GBX1: variants seen among roughly 807,000 people sequenced by gnomAD.
The protein encoded by GBX1 is homeobox protein GBX-1.
In GBX1, 9 loss-of-function variants were observed where a neutral mutation model predicts 22.9. The observed-to-expected ratio is 0.39, with a 90% confidence interval of 0.24 to 0.69. GBX1 has a LOEUF of 0.69. Among genes scored for constraint, GBX1 ranks in the 30% least tolerant of loss-of-function variants. The pLI is 0.43. For synonymous variants in GBX1, 203 were observed against 227.3 expected, an observed-to-expected ratio of 0.89 and a Z score of 0.96; for missense variants, 494 against 509.2, an observed-to-expected ratio of 0.97 and a Z score of 0.29.
At chr7:151,150,888 C>T (rs1801072148) in intron 1 of GBX1, among the ~76,000 whole-genome samples, 1 of 152,116 alleles carries the variant, frequency 6.6e-6, no homozygotes, top group African/African-American at 2.4e-5. Context: ...ACACACCATG[C>T]CTGGTTAATT....
intron 1 of GBX1, among the ~76,000 whole-genome samples, chr7:151,152,213 T>C (rs1563547719): frequency 6.6e-6 from 1 of 152,324 alleles, no homozygotes; most frequent in African/African-American, 2.4e-5. Context: ...TGCTCATGCA[T>C]GTGCTCCCCG....
chr7:151,167,348 G>A lies in GBX1; in HGVS notation c.201C>T (p.Pro67=). 2 of 1,508,266 alleles carry A rather than the reference G, an allele frequency of 1.3e-6. No individual in the cohort carries two copies. Among genetic ancestry groups the A allele is most frequent in the Non-Finnish European group, 8.8e-7 (1 of 1,131,452 alleles). 93.4% of individuals were successfully genotyped at this position (1,508,266 alleles called of 1,614,324 possible). A position where few individuals can be genotyped will look rare whatever the true frequency, so the allele number is the denominator to read the frequency against. The change falls in exon 1 of 2, where the codon CCC becomes CCT. Residue 67 remains proline, a synonymous_variant. Transcript: ENST00000297537. The surrounding 1 kb of genome is among the most constrained non-coding windows in gnomAD (Gnocchi z 5.9). ...GCGGGGCGAGGGGCGGGAGGCCAGCGGGCAGCGGCGCAGGGGCCAGCGCCT... is the reference window on the plus strand; with the variant it reads ...GCGGGGCGAGGGGCGGGAGGCCAGCAGGCAGCGGCGCAGGGGCCAGCGCCT... The part of the protein sequence containing the change: ...LPQALAPAPL[P]AGLPPLAPLA...
In GBX1 at chr7:151,167,370, G is replaced by A; in HGVS notation, c.179C>T (p.Ala60Val). 1.3e-6 allele frequency: 2 copies of A among 1,510,256 alleles called. No individual in the cohort carries two copies. The highest frequency in any genetic ancestry group is 1.8e-6 in the Non-Finnish European group (2 of 1,131,836). 93.6% of individuals were successfully genotyped at this position (1,510,256 alleles called of 1,614,324 possible). ...AGCGGGCAGCGGCGCAGGGGCCAGC[G>A]CCTGCGGCAGCACGAGCGGCCGGTA... ...MPYRPLVLPQ[A>V]LAPAPLPAGL... is the part of the protein sequence containing the mutation. Residue 60 changes from alanine (A) to valine (V), a missense_variant, in exon 1 of 2, where the codon GCG becomes GTG. By Grantham distance (64) the Ala-to-Val change is moderately conservative (BLOSUM62 0). Around this residue, in one of 3 missense-constraint regions of GBX1, gnomAD observed 365 missense variants for 340.4 expected, o/e 1.07. Coordinates refer to ENST00000297537, the MANE Select transcript of GBX1 (RefSeq NM_001098834.3). The surrounding 1 kb of genome is among the most constrained non-coding windows in gnomAD (Gnocchi z 5.9).
At chr7:151,152,206 T>G (rs546866614) in intron 1 of GBX1, among the ~76,000 whole-genome samples, 27 of 152,304 alleles carry the variant, frequency 1.8e-4, no homozygotes, top group African/African-American at 6.5e-4. Flanking sequence ...TTCCAAATGC[T>G]CATGCATGTG....
chr7:151,161,010 C>G (rs1801182890), intron 1 of GBX1, among the ~76,000 whole-genome samples: 1 of 152,164 alleles, frequency 6.6e-6, no homozygotes, highest in Admixed American at 6.5e-5. Context: ...AAATCTCTCT[C>G]TCTTTTATAC....
At chr7:151,158,846 A>G (rs1386029091) in intron 1 of GBX1, among the ~76,000 whole-genome samples, 2 of 152,164 alleles carry the variant, frequency 1.3e-5, no homozygotes, top group Non-Finnish European at 2.9e-5. Context: ...TTGAGCACCT[A>G]TTACTTTCAG....
At chr7:151,166,901 A>G in intron 1 of GBX1, 110 bp downstream of exon 1, 3 of 1,067,530 alleles carry the variant, frequency 2.8e-6, no homozygotes, top group Non-Finnish European at 4.2e-6. Context: ...AAGGTCTGGG[A>G]CTTCAAGGCT....
chr7:151,152,237 CCCTGT>C (rs1357138680), intron 1 of GBX1, among the ~76,000 whole-genome samples: 1 of 152,162 alleles, frequency 6.6e-6, no homozygotes, highest in East Asian at 1.9e-4. Context: ...TTCTTTCCCT[CCCTGT>C]CCTTTCCTTT....
intron 1 of GBX1, among the ~76,000 whole-genome samples, chr7:151,159,084 A>C (rs1052977010): frequency 7.9e-6 from 1 of 127,312 alleles, no homozygotes; most frequent in Non-Finnish European, 1.6e-5. Flanking sequence ...AAAGTGTCTG[A>C]ATTTTTTTTT....
At chr7:151,155,130 C>T (rs548896803) in intron 1 of GBX1, among the ~76,000 whole-genome samples, 29 of 152,340 alleles carry the variant, frequency 1.9e-4, no homozygotes, top group African/African-American at 6.7e-4. Flanking sequence ...CTTCTCTCTA[C>T]TTCAAAAACA....
chr7:151,151,645 C>T lies in GBX1; in HGVS notation c.539-2503G>A, dbSNP rs74656045. Reference sequence around the variant, plus strand: ...CTAACCTCGATGCCATCTTTTTACTCCTCTCTCTCACAACCCACATCCAGT... The same window carrying T: ...CTAACCTCGATGCCATCTTTTTACTTCTCTCTCTCACAACCCACATCCAGT... On this transcript the variant is annotated intron_variant, in intron 1 of 1. Coordinates refer to ENST00000297537, the MANE Select transcript of GBX1 (RefSeq NM_001098834.3). Among the ~76,000 whole-genome samples, 1,990 of 152,260 alleles carry T rather than the reference C, an allele frequency of 0.013. 74 individuals carry two copies. The East Asian group carries it at 0.13, about 10-fold the overall frequency.
intron 1 of GBX1, among the ~76,000 whole-genome samples, chr7:151,159,548 C>A (rs1055031310): frequency 2.0e-5 from 3 of 152,096 alleles, no homozygotes; most frequent in African/African-American, 7.2e-5. Context: ...CCATACCTGG[C>A]AAATTTCTTT....
chr7:151,164,886 G>C (rs1478019252), intron 1 of GBX1, among the ~76,000 whole-genome samples: 1 of 134,138 alleles, frequency 7.5e-6, no homozygotes, highest in Non-Finnish European at 1.5e-5. Context: ...ACTCTTTAAA[G>C]AAAATTACTC....
At chr7:151,154,059 G>A (rs1266347294) in intron 1 of GBX1, among the ~76,000 whole-genome samples, 3 of 152,164 alleles carry the variant, frequency 2.0e-5, no homozygotes, top group Non-Finnish European at 4.4e-5. Flanking sequence ...CCAACATGGT[G>A]AAACCCTGTC....
At chr7:151,160,719 C>T (rs1454450717) in intron 1 of GBX1, among the ~76,000 whole-genome samples, 1 of 152,194 alleles carries the variant, frequency 6.6e-6, no homozygotes, top group South Asian at 2.1e-4. Flanking sequence ...CTCCCTATCA[C>T]CCTTTCTCTC....
Position 151,148,896 on chromosome 7 carries a change from C to T in GBX1, c.785G>A (p.Arg262Gln), listed in dbSNP as rs780010334. The change falls in exon 2 of 2, where the codon CGA (arginine) becomes CAA (glutamine). Residue 262 changes from arginine (R) to glutamine (Q), a missense_variant. This residue lies in a region of GBX1 where 124 missense variants were observed against 152.0 expected (regional missense o/e 0.82). Transcript: ENST00000297537. The surrounding 1 kb of genome is among the most constrained non-coding windows in gnomAD (Gnocchi z 5.1). ...AGVTAPGGKS[R>Q]RRRTAFTSEQ... ...GCTGGTAAATGCTGTGCGGCGCCGT[C>T]GGCTTTTCCCCCCAGGAGCTGTGAC... 18 of 1,614,048 alleles carry T rather than the reference C, an allele frequency of 1.1e-5. No homozygotes were observed. Among genetic ancestry groups the T allele is most frequent in the South Asian group, 6.6e-5 (6 of 91,072 alleles).
chr7:151,166,271 G>A (rs534925576), intron 1 of GBX1, among the ~76,000 whole-genome samples: 1 of 152,164 alleles, frequency 6.6e-6, no homozygotes, highest in South Asian at 2.1e-4. Flanking sequence ...TCTGTCAGCT[G>A]AATCTTAGCT....
intron 1 of GBX1, 35 bp downstream of exon 1, chr7:151,166,976 G>A: frequency 6.3e-7 from 1 of 1,592,938 alleles, no homozygotes; most frequent in Non-Finnish European, 8.6e-7. Flanking sequence ...AGGTGAACCG[G>A]CCTCCCGCCA....
chr7:151,156,920 G>A (rs1336382210), intron 1 of GBX1, among the ~76,000 whole-genome samples: 5 of 149,378 alleles, frequency 3.3e-5, no homozygotes, highest in African/African-American at 1.2e-4. Context: ...AGGAGTCAGA[G>A]GTTGCAGTGA....
Sources: gnomAD v4.1 joint callset for allele counts (sites outside exome capture counted in the v4.1 genomes callset) on GRCh38, gnomAD v4.1.1 for gene constraint, gnomAD v4.1.1 regional missense constraint, Gnocchi (gnomAD v3.1) non-coding constraint, MANE v1.5 for transcripts, NCBI Gene and HGNC (gene_info 2026-07-23, HGNC 2026-07-21) for gene names.